Variants in ATP1A2 observed in about 807,000 individuals in gnomAD.
ATP1A2 encodes the protein sodium/potassium-transporting ATPase subunit alpha-2.
In ATP1A2, 56 loss-of-function variants were observed where a neutral mutation model predicts 113.1. That is an observed-to-expected ratio of 0.49 (90% CI 0.40 to 0.62). The LOEUF (loss-of-function observed/expected upper bound fraction) is 0.62, where lower values mean the gene tolerates loss of function less well. Ranked by LOEUF, ATP1A2 falls within the 20% of genes least tolerant of loss-of-function variation. ATP1A2 has a pLI of 0.00. For missense variants in ATP1A2, 712 were observed against 1,357.8 expected (o/e 0.52, Z 7.47); for synonymous variants, 490 against 526.8 (o/e 0.93, Z 0.96).
At position 160,143,381 on chromosome 1, in the gene ATP1A2, T is replaced by A. The variant is rs1044803828; in HGVS notation, c.*2059T>A. On this transcript the variant is annotated 3_prime_UTR_variant, in exon 23 of 23. Coordinates refer to ENST00000361216, the MANE Select transcript of ATP1A2 (RefSeq NM_000702.4). ...ATAAACAATATTGCTAGAGGTGGCA[T>A]GTTTAGTCTACCAAAAACAATACTT... The A allele has an allele frequency of 6.6e-6, 1 of 152,640 alleles. No homozygotes were observed. Among genetic ancestry groups the A allele is most frequent in the Non-Finnish European group, 1.5e-5 (1 of 68,036 alleles). The allele number at this position is 152,640 out of a possible 1,614,324, so 9.5% of individuals were successfully genotyped here.
rs531213877 is a variant in ATP1A2, at chr1:160,125,567, A to G, written c.748+314A>G. 8 of 371,168 alleles carry G rather than the reference A, an allele frequency of 2.2e-5. No individual in the cohort carries two copies. The East Asian group carries it at 4.4e-4, about 20-fold the overall frequency. The allele number at this position is 371,168 out of a possible 1,614,324, so 23.0% of individuals were successfully genotyped here. A position where few individuals can be genotyped will look rare whatever the true frequency, so the allele number is the denominator to read the frequency against. ...TACGCATGCGCACACACAGATGCAC[A>G]TACGCTCAGAACCAACCTGGATTCT... On this transcript the variant is annotated intron_variant, in intron 7 of 22. Transcript: ENST00000361216.
chr1:160,139,966 C>T lies in ATP1A2; in HGVS notation c.3016C>T (p.Leu1006=). The T allele has an allele frequency of 1.9e-6, 3 of 1,614,024 alleles. No homozygotes were observed. Among genetic ancestry groups the T allele is most frequent in the Non-Finnish European group, 2.5e-6 (3 of 1,180,036 alleles). ...CTATGATGAGGTCCGAAAGCTCATCCTGCGGCGGTATCCTGGTGGTAAGCC... is the reference window on the plus strand; with the variant it reads ...CTATGATGAGGTCCGAAAGCTCATCTTGCGGCGGTATCCTGGTGGTAAGCC... The part of the protein sequence containing the change: ...FIYDEVRKLI[L]RRYPGGWVEK... The change falls in exon 22 of 23, where the codon CTG becomes TTG. Residue 1006 remains leucine (L), a synonymous_variant. Coordinates refer to ENST00000361216, the MANE Select transcript of ATP1A2 (RefSeq NM_000702.4).
intron 1 of ATP1A2, among the ~76,000 whole-genome samples, chr1:160,118,199 C>T (rs1651250972): frequency 6.6e-6 from 1 of 152,204 alleles, no homozygotes; most frequent in Admixed American, 6.5e-5. Context: ...GTGCATGGAC[C>T]AGCAAGTTTT....
rs575299887 is a variant in ATP1A2 at position 160,130,234 on chromosome 1, C to G, written c.1594C>G (p.Gln532Glu). 1.7e-5 allele frequency: 28 copies of G among 1,614,166 alleles called. No individual in the cohort carries two copies. In the African/African-American group the frequency reaches 3.1e-4, roughly 18 times the overall value. Residue 532 changes from glutamine to glutamate, a missense_variant, in exon 12 of 23, where the codon CAA (glutamine) becomes GAA (glutamate). By Grantham distance (29) the Gln-to-Glu change is conservative. Transcript: ENST00000361216. ...GKEIPLDKEM[Q>E]DAFQNAYMEL... is the part of the protein sequence containing the mutation. The stretch of plus-strand genomic sequence containing the variant: ...GGAGATCCCGCTCGACAAGGAGATG[C>G]AAGATGCCTTTCAAAATGCCTACAT...
chr1:160,125,545 G>A (rs769554746), intron 7 of ATP1A2: 18 of 434,940 alleles, frequency 4.1e-5, no homozygotes, highest in Non-Finnish European at 6.9e-5. Flanking sequence ...AACCCCTTAC[G>A]CATGCGCACA....
chr1:160,118,727 G>GT (rs985194916), intron 1 of ATP1A2, among the ~76,000 whole-genome samples: 37 of 152,140 alleles, frequency 2.4e-4, no homozygotes, highest in Admixed American at 2.4e-3. Context: ...TAAATCATTG[G>GT]TATCTTGGGA....
intron 20 of ATP1A2, chr1:160,137,315 C>A: frequency 2.1e-6 from 1 of 467,430 alleles, no homozygotes; most frequent in Non-Finnish European, 3.9e-6. Flanking sequence ...TGCTCCTATC[C>A]TTTGCCCAGC....
chr1:160,134,963 T>C (rs111451660), intron 14 of ATP1A2, among the ~76,000 whole-genome samples, 182 bp from the exon 15 acceptor site: 3 of 152,150 alleles, frequency 2.0e-5, no homozygotes, highest in Non-Finnish European at 4.4e-5. Flanking sequence ...TGGTGAGGAT[T>C]TAGACTCACA....
chr1:160,128,246 A>G, intron 8 of ATP1A2: 2 of 421,710 alleles, frequency 4.7e-6, no homozygotes, highest in Non-Finnish European at 8.9e-6. Context: ...GTGATGTGTC[A>G]CTATCCTGGT....
chr1:160,121,571 C>T (rs1319851727), intron 3 of ATP1A2, among the ~76,000 whole-genome samples: 1 of 152,268 alleles, frequency 6.6e-6, no homozygotes, highest in Non-Finnish European at 1.5e-5. Flanking sequence ...CAGCCTTCCA[C>T]AGAGCTGACA....
intron 3 of ATP1A2, 31 bp downstream of exon 3, chr1:160,121,282 A>G (rs1158133240): frequency 5.6e-6 from 9 of 1,612,548 alleles, no homozygotes; most frequent in Non-Finnish European, 6.8e-6. Flanking sequence ...GGAAGGAACA[A>G]AAGAGGCAAG....
Position 160,136,235 on chromosome 1 carries a change from T to C in ATP1A2, c.2440-12T>C, listed in dbSNP as rs770449327. 6.2e-7 allele frequency: 1 copy of C among 1,614,142 alleles called. No individual in the cohort carries two copies. The highest frequency in any genetic ancestry group is 8.5e-7 in the Non-Finnish European group (1 of 1,180,010). ...CAAATGCCCTCCCTGCCCCATTTCC[T>C]ACCCCACACAGGTCCCTGCCATCTC... On this transcript the variant is annotated splice_polypyrimidine_tract_variant and intron_variant, in intron 17 of 22. Coordinates refer to ENST00000361216, the MANE Select transcript of ATP1A2 (RefSeq NM_000702.4).
At chr1:160,137,325 C>G (rs538981628) in intron 20 of ATP1A2, 1 of 447,808 alleles carries the variant, frequency 2.2e-6, no homozygotes, top group African/African-American at 2.0e-5. Flanking sequence ...CTTTGCCCAG[C>G]CCTAAATCCA....
In ATP1A2 at chr1:160,141,709, C is replaced by G. The variant is rs930794733; in HGVS notation, c.*387C>G. ...CCCATCTAAACCAGAAGGAAGCCCT[C>G]TCAGATCACCCCAGCCTCACTCCAT... On this transcript the variant is annotated 3_prime_UTR_variant, in exon 23 of 23. Transcript: ENST00000361216. The G allele has an allele frequency of 3.2e-6, 1 of 314,948 alleles. No homozygotes were observed. Among genetic ancestry groups the G allele is most frequent in the Non-Finnish European group, 6.2e-6 (1 of 160,758 alleles). The allele number at this position is 314,948 out of a possible 1,614,324, so 19.5% of individuals were successfully genotyped here. A position where few individuals can be genotyped will look rare whatever the true frequency, so the allele number is the denominator to read the frequency against.
chr1:160,124,589 G>A (rs989198364), intron 6 of ATP1A2, among the ~76,000 whole-genome samples, 159 bp downstream of exon 6: 9 of 152,360 alleles, frequency 5.9e-5, no homozygotes, highest in African/African-American at 2.2e-4. Context: ...TGGGGTGCTT[G>A]TGCAGTGCCT....
intron 1 of ATP1A2, among the ~76,000 whole-genome samples, chr1:160,119,698 G>A (rs1480018303): frequency 6.6e-6 from 1 of 152,026 alleles, no homozygotes; most frequent in East Asian, 1.9e-4. Flanking sequence ...GAAATCAGGA[G>A]CCTCATAAGA....
rs560260391 is a variant in ATP1A2 at position 160,121,688 on chromosome 1, C to A, written c.177+437C>A. 1.3e-4 allele frequency among the ~76,000 whole-genome samples: 20 copies of A among 152,334 alleles called. 1 individual carries two copies. The South Asian group carries it at 4.1e-3, about 32-fold the overall frequency. On this transcript the variant is annotated intron_variant, in intron 3 of 22. Coordinates refer to ENST00000361216, the MANE Select transcript of ATP1A2 (RefSeq NM_000702.4). ...GATGCGTTACATACATTTCTCTAAT[C>A]TTTACAACAACCCTTTGAGATAGGT...
chr1:160,125,894 A>G (rs138701779), intron 7 of ATP1A2, among the ~76,000 whole-genome samples: 255 of 152,306 alleles, frequency 1.7e-3, no homozygotes, highest in African/African-American at 5.6e-3. Context: ...TCCAAGCACA[A>G]CTGAAACCTG....
intron 17 of ATP1A2, 98 bp downstream of exon 17, chr1:160,136,091 G>T (rs1334082975): frequency 1.9e-6 from 3 of 1,605,376 alleles, no homozygotes; most frequent in African/African-American, 2.7e-5. Context: ...CAGCTGTGGG[G>T]GTTACAGGAG....
Sources: allele counts gnomAD v4.1 joint callset (sites outside exome capture counted in the v4.1 genomes callset), GRCh38; gene constraint gnomAD v4.1.1; transcripts MANE v1.5; gene names NCBI Gene and HGNC (gene_info 2026-07-23, HGNC 2026-07-21).